The following TMEM132D variants were observed in gnomAD, a reference collection of about 807,000 sequenced individuals.
The protein encoded by TMEM132D is transmembrane protein 132D, also known as mature OL transmembrane protein.
TMEM132D carries 21 observed loss-of-function variants against 62.3 expected under a neutral mutation model. That is an observed-to-expected ratio of 0.34 (90% confidence interval 0.24 to 0.49). The LOEUF (loss-of-function observed/expected upper bound fraction) is 0.49. TMEM132D is among the 20% of genes least tolerant of loss of function. TMEM132D has a pLI of 0.99. For missense variants in TMEM132D, 1,346 were observed against 1,402.8 expected (o/e 0.96, Z 0.65); for synonymous variants, 621 against 575.6 (o/e 1.08, Z -1.13).
At chr12:129,283,608 T>C (rs1173160054) in intron 4 of TMEM132D, among the ~76,000 whole-genome samples, 1 of 152,322 alleles carries the variant, frequency 6.6e-6, no homozygotes, top group South Asian at 2.1e-4. Context: ...TTTCAAGACA[T>C]GTCTTTGAAA....
intron 3 of TMEM132D, among the ~76,000 whole-genome samples, chr12:129,434,397 G>A (rs576586487): frequency 2.4e-4 from 36 of 152,262 alleles, no homozygotes; most frequent in African/African-American, 6.7e-4. Flanking sequence ...TTAAAATCTC[G>A]GTGCCAGTTT....
chr12:129,776,788 C>CA (rs148740560), intron 1 of TMEM132D, among the ~76,000 whole-genome samples: 4,964 of 68,118 alleles, frequency 0.073, 134 homozygotes, highest in African/African-American at 0.12. Context: ...TAATGGGCTT[C>CA]AAAAAAAAAA....
rs185076578 is a variant in TMEM132D, at chr12:129,573,845, G to A, written c.969-42640C>T. Among the ~76,000 whole-genome samples, 100 of 149,848 alleles carry A rather than the reference G, an allele frequency of 6.7e-4. 3 individuals are homozygous for A. The highest frequency in any genetic ancestry group is 3.4e-3 in the Middle Eastern group (1 of 292). On this transcript the variant is annotated intron_variant, in intron 2 of 8. Transcript: ENST00000422113. Reference sequence around the variant, plus strand: ...TGTGAAAGAAGTGTTACACAGAAGCGTGGATATTGTATCCTTCCATTTATA... The same window carrying A: ...TGTGAAAGAAGTGTTACACAGAAGCATGGATATTGTATCCTTCCATTTATA...
intron 1 of TMEM132D, among the ~76,000 whole-genome samples, chr12:129,711,331 A>G (rs1294970300): frequency 6.6e-6 from 1 of 152,188 alleles, no homozygotes; most frequent in African/African-American, 2.4e-5. Context: ...TATGTGATAA[A>G]TATATCTAGA....
chr12:129,284,794 C>T (rs149184357), intron 4 of TMEM132D, among the ~76,000 whole-genome samples: 37 of 152,262 alleles, frequency 2.4e-4, no homozygotes, highest in Middle Eastern at 6.8e-3. Context: ...GACATTATTA[C>T]GGCAAGTGAA....
chr12:129,707,664 T>C (rs1351236160), intron 1 of TMEM132D, among the ~76,000 whole-genome samples: 2 of 152,236 alleles, frequency 1.3e-5, no homozygotes, highest in East Asian at 3.9e-4. Context: ...TTGGACAGTA[T>C]ACAAGTATCT....
At chr12:129,902,206 A>G (rs1875381158) in intron 1 of TMEM132D, among the ~76,000 whole-genome samples, 1 of 152,256 alleles carries the variant, frequency 6.6e-6, no homozygotes, top group African/African-American at 2.4e-5. Context: ...CAGAGAACAG[A>G]CAATTCATGT....
chr12:129,449,398 G>A (rs919387246), intron 3 of TMEM132D, among the ~76,000 whole-genome samples: 7 of 152,304 alleles, frequency 4.6e-5, no homozygotes, highest in South Asian at 4.1e-4. Flanking sequence ...TCTAATCACC[G>A]TGCAGAGTTA....
At chr12:129,130,917 G>T (rs1297855814) in intron 5 of TMEM132D, among the ~76,000 whole-genome samples, 1 of 152,124 alleles carries the variant, frequency 6.6e-6, no homozygotes, top group African/African-American at 2.4e-5. Context: ...GATTGTCTGG[G>T]GAGCTTTAAA....
intron 4 of TMEM132D, among the ~76,000 whole-genome samples, chr12:129,214,006 T>C (rs1271426793): frequency 2.6e-5 from 4 of 152,152 alleles, no homozygotes; most frequent in Non-Finnish European, 5.9e-5. Context: ...GGAGCTGGGG[T>C]ATTTATACAC....
intron 1 of TMEM132D, among the ~76,000 whole-genome samples, chr12:129,884,754 T>G (rs10744437): frequency 0.88 from 133,939 of 152,228 alleles, 61,429 homozygotes; most frequent in East Asian, 1. Context: ...ACCCCAGCAA[T>G]GTCATCCCTG....
At chr12:129,553,248 G>T (rs908901466) in intron 2 of TMEM132D, among the ~76,000 whole-genome samples, 3 of 152,144 alleles carry the variant, frequency 2.0e-5, no homozygotes, top group Non-Finnish European at 2.9e-5. Flanking sequence ...CTGCCACAGT[G>T]GCCCGTGGTC....
intron 4 of TMEM132D, among the ~76,000 whole-genome samples, chr12:129,322,261 T>C (rs905016902): frequency 6.6e-6 from 1 of 152,180 alleles, no homozygotes; most frequent in Non-Finnish European, 1.5e-5. Flanking sequence ...ACTAATATAG[T>C]TCCATGCTTA....
intron 3 of TMEM132D, among the ~76,000 whole-genome samples, chr12:129,497,286 C>G (rs953468120): frequency 5.3e-5 from 8 of 152,056 alleles, no homozygotes; most frequent in Non-Finnish European, 1.2e-4. Flanking sequence ...CCGGCCTGGG[C>G]AACAGAGCAA....
chr12:129,290,182 G>A (rs755943379), intron 4 of TMEM132D, among the ~76,000 whole-genome samples: 35 of 152,074 alleles, frequency 2.3e-4, no homozygotes, highest in Non-Finnish European at 4.9e-4. Flanking sequence ...AAGTTCGCAA[G>A]AGAGTCAATG....
intron 4 of TMEM132D, among the ~76,000 whole-genome samples, chr12:129,220,929 C>T (rs1879330131): frequency 6.6e-6 from 1 of 150,664 alleles, no homozygotes; most frequent in South Asian, 2.1e-4. Flanking sequence ...CCTGGGATGG[C>T]ATAGCCACTG....
intron 2 of TMEM132D, among the ~76,000 whole-genome samples, chr12:129,539,897 C>T (rs557742283): frequency 1.9e-4 from 29 of 152,198 alleles, no homozygotes; most frequent in East Asian, 1.9e-4. Context: ...GGGAGCCCAG[C>T]GGGGAGAACG....
intron 1 of TMEM132D, among the ~76,000 whole-genome samples, chr12:129,778,231 A>C (rs1871008460): frequency 6.6e-6 from 1 of 152,160 alleles, no homozygotes; most frequent in Admixed American, 6.5e-5. Context: ...CATTCTTTAA[A>C]AAAAATTACC....
At chr12:129,106,620 A>C (rs1018025638) in intron 5 of TMEM132D, among the ~76,000 whole-genome samples, 1 of 152,126 alleles carries the variant, frequency 6.6e-6, no homozygotes, top group Non-Finnish European at 1.5e-5. Context: ...GAGAAGGTTG[A>C]GAATGACCAG....
Sources: allele counts gnomAD v4.1 joint callset (sites outside exome capture counted in the v4.1 genomes callset), GRCh38; gene constraint gnomAD v4.1.1; transcripts MANE v1.5; gene names NCBI Gene and HGNC (gene_info 2026-07-23, HGNC 2026-07-21).